Variants in TECTA observed in about 807,000 individuals in gnomAD.
The protein encoded by TECTA is tectorin alpha.
TECTA carries 128 observed loss-of-function variants against 216.8 expected under a neutral mutation model. The ratio of observed to expected loss-of-function variants is 0.59; its 90% confidence interval spans 0.51 to 0.68. TECTA has a LOEUF of 0.68. Ranked by LOEUF, TECTA falls within the 30% of genes least tolerant of loss-of-function variation. The pLI is 0.00. For synonymous variants in TECTA, 1,089 were observed against 1,117.1 expected, an observed-to-expected ratio of 0.97 and a Z score of 0.50; for missense variants, 2,551 against 2,786.2, an observed-to-expected ratio of 0.92 and a Z score of 1.90.
chr11:121,149,593 A>G (rs1178205038), intron 12 of TECTA, among the ~76,000 whole-genome samples: 2 of 152,198 alleles, frequency 1.3e-5, no homozygotes, highest in African/African-American at 4.8e-5. Flanking sequence ...AGGTTTAGAG[A>G]GAGTAAGTAA....
chr11:121,128,481 T>G, intron 9 of TECTA, 137 bp downstream of exon 9: 1 of 762,558 alleles, frequency 1.3e-6, no homozygotes, highest in South Asian at 1.8e-5. Context: ...AACGGGAGCG[T>G]TTTCTAATGA....
intron 10 of TECTA, among the ~76,000 whole-genome samples, chr11:121,134,675 A>G (rs1031565916): frequency 6.6e-6 from 1 of 151,458 alleles, no homozygotes; most frequent in Non-Finnish European, 1.5e-5. Context: ...TCCCAGTTGT[A>G]TTTCATTCAT....
At chr11:121,132,949 G>A (rs1459793713) in intron 10 of TECTA, among the ~76,000 whole-genome samples, 2 of 152,106 alleles carry the variant, frequency 1.3e-5, no homozygotes, top group Non-Finnish European at 2.9e-5. Flanking sequence ...GGCCAGGCTG[G>A]TCTTGAACTC....
intron 10 of TECTA, among the ~76,000 whole-genome samples, chr11:121,136,396 G>A (rs1022822393): frequency 3.9e-5 from 6 of 152,114 alleles, no homozygotes; most frequent in Non-Finnish European, 7.4e-5. Flanking sequence ...AAGGGGCTGC[G>A]GGGTGATGAC....
At chr11:121,133,920 G>T (rs1565525484) in intron 10 of TECTA, among the ~76,000 whole-genome samples, 1 of 152,182 alleles carries the variant, frequency 6.6e-6, no homozygotes, top group African/African-American at 2.4e-5. Flanking sequence ...CTGTCTGTCA[G>T]TCTATCTGTC....
At position 121,105,921 on chromosome 11, in the gene TECTA, C is replaced by G; in HGVS notation, c.155C>G (p.Ala52Gly). ...GGAAGCTCATCTGAGATTAAGTTGG[C>G]CATCCCAGTTTTCTTCTTTGGCGTT... ...DDGSSSEIKL[A>G]IPVFFFGVPY... Residue 52 changes from alanine to glycine, a missense_variant, in exon 3 of 24, where the codon GCC becomes GGC. Ala to Gly is a moderately conservative substitution (Grantham distance 60). This residue lies in a region of TECTA where 2,375 missense variants were observed against 2,563.9 expected (regional missense o/e 0.93). Transcript: ENST00000392793. This position sits in a 1 kb window ranked among gnomAD's most constrained non-coding sequence, Gnocchi z 5.3. 1 of 1,614,172 alleles carries G rather than the reference C, an allele frequency of 6.2e-7. No individual in the cohort carries two copies. Among genetic ancestry groups the G allele is most frequent in the Non-Finnish European group, 8.5e-7 (1 of 1,180,032 alleles).
chr11:121,119,803 G>A (rs1046606851), intron 7 of TECTA, among the ~76,000 whole-genome samples: 3 of 152,202 alleles, frequency 2.0e-5, no homozygotes, highest in Non-Finnish European at 4.4e-5. Flanking sequence ...CCTTTCCCAG[G>A]TCTGTGCAGT....
intron 6 of TECTA, among the ~76,000 whole-genome samples, chr11:121,117,851 C>T (rs559362694): frequency 1.4e-4 from 22 of 152,306 alleles, no homozygotes; most frequent in African/African-American, 5.3e-4. Flanking sequence ...TACTGGGCCC[C>T]CAACAAATGT....
At position 121,137,750 on chromosome 11, in the gene TECTA, T is replaced by A; in HGVS notation, c.3271T>A (p.Tyr1091Asn). 6.2e-7 allele frequency: 1 copy of A among 1,614,164 alleles called. No individual in the cohort carries two copies. Among genetic ancestry groups the A allele is most frequent in the Non-Finnish European group, 8.5e-7 (1 of 1,180,034 alleles). Residue 1091 changes from tyrosine (Y) to asparagine (N), a missense_variant, in exon 11 of 24, where the codon TAC becomes AAC. Physicochemically the swap from Tyr to Asn is moderately radical, Grantham distance 143 (BLOSUM62 -2). Around this residue, in one of 3 missense-constraint regions of TECTA, gnomAD observed 2,375 missense variants for 2,563.9 expected, o/e 0.93. Coordinates refer to ENST00000392793, the MANE Select transcript of TECTA (RefSeq NM_005422.4). Reference sequence around the variant, plus strand: ...CTGCATGGAGGAAGGTGGCCTGTACTACTGCCAAGCCCGCACCGACGCCTC... The same window carrying A: ...CTGCATGGAGGAAGGTGGCCTGTACAACTGCCAAGCCCGCACCGACGCCTC... ...EYCMEEGGLY[Y>N]CQARTDASCI...
At chr11:121,147,502 A>G (rs1946849054) in intron 12 of TECTA, among the ~76,000 whole-genome samples, 1 of 152,096 alleles carries the variant, frequency 6.6e-6, no homozygotes, top group South Asian at 2.1e-4. Flanking sequence ...GCCAGTAGGG[A>G]TGACGGTCCT....
chr11:121,135,756 G>C (rs1946719846), intron 10 of TECTA, among the ~76,000 whole-genome samples: 1 of 152,216 alleles, frequency 6.6e-6, no homozygotes, highest in African/African-American at 2.4e-5. Flanking sequence ...GCCAAAGAAA[G>C]TTTTAAAGGC....
At chr11:121,165,474 C>A in intron 17 of TECTA, 91 bp downstream of exon 17, 1 of 1,078,384 alleles carries the variant, frequency 9.3e-7, no homozygotes, top group Non-Finnish European at 1.4e-6. Context: ...CTTTGTGAAG[C>A]TTTCCCAAAT....
Position 121,128,074 on chromosome 11 carries a change from G to A in TECTA, c.2097G>A (p.Glu699=). The A allele has an allele frequency of 6.2e-7, 1 of 1,612,746 alleles. No individual in the cohort carries two copies. The highest frequency in any genetic ancestry group is 1.1e-5 in the South Asian group (1 of 91,076). ...TCGSGEVCAV[E]DGYQGCFPKR... is the part of the protein sequence containing the mutation. ...GCAGCGGGGAGGTGTGCGCCGTGGA[G>A]GACGGCTACCAGGGCTGCTTCCCCA... Residue 699 remains glutamate, a synonymous_variant, in exon 9 of 24, where the codon GAG becomes GAA. Transcript: ENST00000392793.
At chr11:121,124,264 G>C (rs951778316) in intron 7 of TECTA, among the ~76,000 whole-genome samples, 51 of 152,108 alleles carry the variant, frequency 3.4e-4, no homozygotes, top group Admixed American at 9.8e-4. Flanking sequence ...TACATAGAAA[G>C]GCATAAATGC....
chr11:121,110,046 T>C (rs940598394), intron 4 of TECTA: 1 of 159,642 alleles, frequency 6.3e-6, no homozygotes, highest in African/African-American at 2.4e-5. Context: ...ATATTTGATG[T>C]TAATTAGAGT....
intron 11 of TECTA, among the ~76,000 whole-genome samples, chr11:121,142,377 C>T (rs1001843535): frequency 2.0e-5 from 3 of 152,150 alleles, no homozygotes; most frequent in African/African-American, 7.2e-5. Flanking sequence ...ATTTCTCACT[C>T]ACAGAGAGAG....
intron 7 of TECTA, among the ~76,000 whole-genome samples, chr11:121,119,008 C>A (rs111854839): frequency 6.7e-6 from 1 of 149,846 alleles, no homozygotes; most frequent in Non-Finnish European, 1.5e-5. Flanking sequence ...CACACACACA[C>A]ACACACACAC....
chr11:121,120,441 C>G (rs1418288041), intron 7 of TECTA, among the ~76,000 whole-genome samples: 11 of 152,194 alleles, frequency 7.2e-5, no homozygotes, highest in African/African-American at 2.7e-4. Context: ...GATGGCAGAG[C>G]CCCGACCCAG....
Position 121,118,517 on chromosome 11 carries a change from C to A in TECTA, c.1002C>A (p.Asp334Glu). 6.2e-7 allele frequency: 1 copy of A among 1,614,194 alleles called. No homozygotes were observed. Among genetic ancestry groups the A allele is most frequent in the African/African-American group, 1.3e-5 (1 of 75,046 alleles). The change falls in exon 7 of 24, where the codon GAC becomes GAA. Residue 334 changes from aspartate (D) to glutamate (E), a missense_variant. Physicochemically the swap from Asp to Glu is conservative, Grantham distance 45 (BLOSUM62 2). Around this residue, in one of 3 missense-constraint regions of TECTA, gnomAD observed 2,375 missense variants for 2,563.9 expected, o/e 0.93. Transcript: ENST00000392793. ...GGGAGCCACACTACCACACTTTTGA[C>A]GGCTTCCTCTTCCACTTCCAAGGCT... ...VFGEPHYHTFDGFLFHFQGSC... is the reference protein window; with the variant it reads ...VFGEPHYHTFEGFLFHFQGSC...
Sources: gnomAD v4.1 joint callset for allele counts (sites outside exome capture counted in the v4.1 genomes callset) on GRCh38, gnomAD v4.1.1 for gene constraint, gnomAD v4.1.1 regional missense constraint, Gnocchi (gnomAD v3.1) non-coding constraint, MANE v1.5 for transcripts, NCBI Gene and HGNC (gene_info 2026-07-23, HGNC 2026-07-21) for gene names.